PLCL1: variants seen among roughly 807,000 people sequenced by gnomAD.
The protein encoded by PLCL1 is inactive phospholipase C-like protein 1.
PLCL1 carries 41 observed loss-of-function variants against 84.4 expected under a neutral mutation model. The observed-to-expected ratio is 0.49, with a 90% CI of 0.38 to 0.63. The LOEUF (loss-of-function observed/expected upper bound fraction) is 0.63, where lower values mean the gene tolerates loss of function less well. Among genes scored for constraint, PLCL1 ranks in the 30% least tolerant of loss-of-function variants. PLCL1 has a pLI of 0.00. For missense variants in PLCL1, 1,206 were observed against 1,367.8 expected (o/e 0.88, Z 1.87); for synonymous variants, 490 against 488.3 (o/e 1.00, Z -0.05).
intron 1 of PLCL1, among the ~76,000 whole-genome samples, chr2:197,828,960 A>G (rs1233136759): frequency 6.6e-6 from 1 of 152,140 alleles, no homozygotes; most frequent in Non-Finnish European, 1.5e-5. Flanking sequence ...GATTTATGAC[A>G]CTATTGTTAT....
chr2:198,128,191 G>A (rs540900334), intron 5 of PLCL1, among the ~76,000 whole-genome samples: 1 of 152,234 alleles, frequency 6.6e-6, no homozygotes, highest in Non-Finnish European at 1.5e-5. Context: ...CCTGTCCTAT[G>A]GGGACAAGGG....
intron 5 of PLCL1, among the ~76,000 whole-genome samples, chr2:198,131,268 C>T (rs541597306): frequency 7.1e-4 from 108 of 152,262 alleles, no homozygotes; most frequent in Non-Finnish European, 9.7e-4. Context: ...TGCTCAGGTA[C>T]GGAGTCTTCA....
At chr2:198,118,552 C>T (rs1203106795) in intron 5 of PLCL1, among the ~76,000 whole-genome samples, 2 of 151,930 alleles carry the variant, frequency 1.3e-5, no homozygotes, top group Admixed American at 6.6e-5. Flanking sequence ...TTACATGAAA[C>T]TTTATGAATT....
At chr2:198,011,852 T>C (rs1365556565) in intron 1 of PLCL1, among the ~76,000 whole-genome samples, 1 of 152,192 alleles carries the variant, frequency 6.6e-6, no homozygotes, top group South Asian at 2.1e-4. Context: ...TTTATCATTA[T>C]ACAGTATTCT....
At chr2:197,841,278 T>C (rs1255206057) in intron 1 of PLCL1, among the ~76,000 whole-genome samples, 1 of 152,252 alleles carries the variant, frequency 6.6e-6, no homozygotes, top group African/African-American at 2.4e-5. Flanking sequence ...TTGTCCATTC[T>C]GTGGGTTTTG....
chr2:197,977,716 C>T (rs1296726725), intron 1 of PLCL1, among the ~76,000 whole-genome samples: 1 of 152,062 alleles, frequency 6.6e-6, no homozygotes, highest in African/African-American at 2.4e-5. Flanking sequence ...TTCACTCTGC[C>T]TCTAGTGGGT....
chr2:197,857,629 G>A (rs1374530279), intron 1 of PLCL1, among the ~76,000 whole-genome samples: 1 of 152,142 alleles, frequency 6.6e-6, no homozygotes. Context: ...TAGTTTTCTA[G>A]TGAAGGTCAT....
chr2:198,022,435 C>T (rs1341707811), intron 1 of PLCL1, among the ~76,000 whole-genome samples: 1 of 152,110 alleles, frequency 6.6e-6, no homozygotes, highest in Non-Finnish European at 1.5e-5. Flanking sequence ...AAGGGGTGTT[C>T]AAATAGGAAG....
intron 1 of PLCL1, among the ~76,000 whole-genome samples, chr2:198,050,683 A>G (rs1013649392): frequency 6.6e-5 from 10 of 152,220 alleles, no homozygotes; most frequent in Non-Finnish European, 1.5e-4. Context: ...AGACTTACAT[A>G]TATCAGTTGG....
chr2:197,982,932 A>G (rs1453035905), intron 1 of PLCL1, among the ~76,000 whole-genome samples: 2 of 152,274 alleles, frequency 1.3e-5, no homozygotes, highest in East Asian at 3.9e-4. Flanking sequence ...TAACATTTAA[A>G]TTTATATATT....
chr2:198,052,655 T>C (rs944343010), intron 1 of PLCL1, among the ~76,000 whole-genome samples: 3 of 152,176 alleles, frequency 2.0e-5, no homozygotes, highest in African/African-American at 7.2e-5. Context: ...ATTTGTGAAA[T>C]GAAGCAATGA....
At position 198,084,624 on chromosome 2, in the gene PLCL1, A is replaced by AGGG; in HGVS notation, c.1108_1110dup (p.Gly370dup). 6.2e-7 allele frequency: 1 copy of AGGG among 1,614,096 alleles called. No homozygotes were observed. Among genetic ancestry groups the AGGG allele is most frequent in the Non-Finnish European group, 8.5e-7 (1 of 1,179,960 alleles). On this transcript the variant is annotated inframe_insertion, in exon 2 of 6. Transcript: ENST00000428675. ...AACTTTCTGAAGAGGGACGTCAAAA[A>AGGG]GGGTTTCTTGCAATTGATGGCTTTA...
intron 1 of PLCL1, among the ~76,000 whole-genome samples, chr2:197,845,372 G>T (rs1687100225): frequency 6.6e-6 from 1 of 152,088 alleles, no homozygotes; most frequent in African/African-American, 2.4e-5. Context: ...AGAAAGATAG[G>T]ACATTTGAGT....
At chr2:198,130,980 C>T (rs1694106208) in intron 5 of PLCL1, among the ~76,000 whole-genome samples, 1 of 152,118 alleles carries the variant, frequency 6.6e-6, no homozygotes, top group African/African-American at 2.4e-5. Flanking sequence ...TCCTTCTTAA[C>T]TTCTCTTCTG....
chr2:198,084,696 A>C lies in PLCL1; in HGVS notation c.1179A>C (p.Gln393His), dbSNP rs781197637. 3 of 1,613,938 alleles carry C rather than the reference A, an allele frequency of 1.9e-6. No individual in the cohort carries two copies. The highest frequency in any genetic ancestry group is 2.5e-6 in the Non-Finnish European group (3 of 1,179,966). Residue 393 changes from glutamine to histidine, a missense_variant, in exon 2 of 6, where the codon CAA becomes CAC. Gln to His is a conservative substitution (Grantham distance 24). Coordinates refer to ENST00000428675, the MANE Select transcript of PLCL1 (RefSeq NM_006226.4). ...SSECDIFDPE[Q>H]KKVAQDMTQP... is the part of the protein sequence containing the mutation. ...AATGTGACATTTTTGATCCTGAGCAAAAGAAGGTTGCCCAAGATATGACCC... is the reference window on the plus strand; with the variant it reads ...AATGTGACATTTTTGATCCTGAGCACAAGAAGGTTGCCCAAGATATGACCC...
intron 3 of PLCL1, among the ~76,000 whole-genome samples, chr2:198,092,568 G>A (rs1693072842): frequency 6.6e-6 from 1 of 151,248 alleles, no homozygotes; most frequent in Non-Finnish European, 1.5e-5. Context: ...TTGGAAATAT[G>A]CAATATATTA....
chr2:198,027,856 G>C (rs1328454541), intron 1 of PLCL1, among the ~76,000 whole-genome samples: 1 of 151,868 alleles, frequency 6.6e-6, no homozygotes, highest in African/African-American at 2.4e-5. Flanking sequence ...TGGAGAGATG[G>C]GGATCTTGTT....
At chr2:197,829,598 A>T (rs1295744680) in intron 1 of PLCL1, among the ~76,000 whole-genome samples, 1 of 152,266 alleles carries the variant, frequency 6.6e-6, no homozygotes, top group Middle Eastern at 3.4e-3. Flanking sequence ...TTGCTGTTCT[A>T]TTATAAGTAG....
Position 198,144,471 on chromosome 2 carries a change from G to T in PLCL1, c.3106-2309G>T, listed in dbSNP as rs1694467910. 3.3e-5 allele frequency among the ~76,000 whole-genome samples: 5 copies of T among 152,164 alleles called. No homozygotes were observed. The South Asian group carries it at 1.0e-3, about 32-fold the overall frequency. ...TCAAATTTTTAATAAAATATAGATAGTACCAAGATACTTATTATATATAGT... is the reference window on the plus strand; with the variant it reads ...TCAAATTTTTAATAAAATATAGATATTACCAAGATACTTATTATATATAGT... On this transcript the variant is annotated intron_variant, in intron 5 of 5. Transcript: ENST00000428675.
Sources: allele counts gnomAD v4.1 joint callset (sites outside exome capture counted in the v4.1 genomes callset), GRCh38; gene constraint gnomAD v4.1.1; transcripts MANE v1.5; gene names NCBI Gene and HGNC (gene_info 2026-07-23, HGNC 2026-07-21).